The following PDE4B variants were observed in gnomAD, a reference collection of about 807,000 sequenced individuals.
PDE4B encodes the protein phosphodiesterase 4B, also known as 3',5'-cyclic-AMP phosphodiesterase 4B.
In PDE4B, 20 loss-of-function variants were observed where a neutral mutation model predicts 82.2. The observed-to-expected ratio is 0.24, with a 90% CI of 0.17 to 0.35. The LOEUF (loss-of-function observed/expected upper bound fraction) is 0.35. Among genes scored for constraint, PDE4B ranks in the 10% least tolerant of loss-of-function variants. PDE4B has a pLI of 1.00. For synonymous variants in PDE4B, 320 were observed against 318.9 expected, an observed-to-expected ratio of 1.00 and a Z score of -0.04; for missense variants, 655 against 907.2, an observed-to-expected ratio of 0.72 and a Z score of 3.57.
At chr1:65,925,342 T>G (rs1200119746) in intron 3 of PDE4B, among the ~76,000 whole-genome samples, 1 of 152,024 alleles carries the variant, frequency 6.6e-6, no homozygotes, top group Non-Finnish European at 1.5e-5. Context: ...TTAAAAAAAA[T>G]TCCTTACTAC....
intron 1 of PDE4B, among the ~76,000 whole-genome samples, chr1:65,866,475 T>C (rs1181181928): frequency 6.6e-6 from 1 of 152,206 alleles, no homozygotes; most frequent in Non-Finnish European, 1.5e-5. Flanking sequence ...TTTTACAATA[T>C]GGTAATGATG....
chr1:66,056,732 A>T (rs904406288), intron 3 of PDE4B, among the ~76,000 whole-genome samples: 1 of 152,124 alleles, frequency 6.6e-6, no homozygotes, highest in African/African-American at 2.4e-5. Context: ...GAGAGATACA[A>T]TATTGATGGC....
intron 3 of PDE4B, among the ~76,000 whole-genome samples, chr1:66,035,313 T>G (rs746216173): frequency 4.6e-5 from 7 of 152,188 alleles, no homozygotes; most frequent in South Asian, 4.1e-4. Context: ...AAATATTTGT[T>G]ATTTCTCTGT....
At chr1:66,048,150 G>A (rs1196898384) in intron 3 of PDE4B, among the ~76,000 whole-genome samples, 1 of 151,810 alleles carries the variant, frequency 6.6e-6, no homozygotes, top group Non-Finnish European at 1.5e-5. Flanking sequence ...TCCTGTACTA[G>A]CCTCTGAATG....
intron 7 of PDE4B, among the ~76,000 whole-genome samples, chr1:66,327,904 A>G (rs951062637): frequency 6.6e-6 from 1 of 152,218 alleles, no homozygotes; most frequent in Non-Finnish European, 1.5e-5. Context: ...TTCAGTGCTA[A>G]ACTGAATCCT....
At position 66,180,670 on chromosome 1, in the gene PDE4B, A is replaced by T. The variant is rs74403784; in HGVS notation, c.282-66790A>T. Reference sequence around the variant, plus strand: ...TTGGGCAGCTATTCACTTGTTTATGACACTGGCAAGATTTGGGCCGACCAC... The same window carrying T: ...TTGGGCAGCTATTCACTTGTTTATGTCACTGGCAAGATTTGGGCCGACCAC... On this transcript the variant is annotated intron_variant, in intron 3 of 16. Transcript: ENST00000341517. 4.6e-5 allele frequency among the ~76,000 whole-genome samples: 7 copies of T among 152,338 alleles called. No homozygotes were observed. The East Asian group carries it at 1.3e-3, about 29-fold the overall frequency.
chr1:65,922,330 CATTTTTATTGTT>C (rs1396174089), intron 3 of PDE4B, among the ~76,000 whole-genome samples: 3 of 152,198 alleles, frequency 2.0e-5, no homozygotes, highest in African/African-American at 4.8e-5. Context: ...TTATTATTGT[CATTTTTATTGTT>C]ACATTTAGAC....
intron 3 of PDE4B, among the ~76,000 whole-genome samples, chr1:66,171,940 G>T (rs1646845077): frequency 6.6e-6 from 1 of 152,264 alleles, no homozygotes; most frequent in East Asian, 1.9e-4. Flanking sequence ...GCAAATTCTA[G>T]CTTTCTTTTT....
At chr1:65,902,641 C>T (rs1243716391) in intron 1 of PDE4B, among the ~76,000 whole-genome samples, 2 of 152,104 alleles carry the variant, frequency 1.3e-5, no homozygotes, top group Non-Finnish European at 2.9e-5. Flanking sequence ...ATTCAACAGT[C>T]CTTGAGGACA....
At chr1:66,166,017 T>C (rs1454403904) in intron 3 of PDE4B, among the ~76,000 whole-genome samples, 2 of 151,964 alleles carry the variant, frequency 1.3e-5, no homozygotes, top group East Asian at 3.9e-4. Flanking sequence ...AATGGTAGTA[T>C]AGTACTGACA....
intron 3 of PDE4B, among the ~76,000 whole-genome samples, chr1:66,046,719 T>C (rs1452899923): frequency 6.6e-6 from 1 of 151,862 alleles, no homozygotes; most frequent in African/African-American, 2.4e-5. Flanking sequence ...ATAATGACTG[T>C]AATCATTAAC....
At chr1:66,136,906 G>T (rs1646070400) in intron 3 of PDE4B, among the ~76,000 whole-genome samples, 1 of 151,904 alleles carries the variant, frequency 6.6e-6, no homozygotes, top group African/African-American at 2.4e-5. Flanking sequence ...CTAAGAAGGA[G>T]GACATAGTCA....
chr1:65,928,342 C>T (rs10889589), intron 3 of PDE4B, among the ~76,000 whole-genome samples: 1 of 151,890 alleles, frequency 6.6e-6, no homozygotes, highest in African/African-American at 2.4e-5. Context: ...AAATTAAGTA[C>T]GAATGCAGTA....
intron 1 of PDE4B, among the ~76,000 whole-genome samples, chr1:65,885,332 A>G (rs1259156264): frequency 2.0e-5 from 3 of 152,166 alleles, no homozygotes; most frequent in African/African-American, 7.2e-5. Context: ...AACTAGAAAT[A>G]CCATTTGACC....
intron 3 of PDE4B, among the ~76,000 whole-genome samples, chr1:66,215,135 A>G (rs1395725897): frequency 6.6e-6 from 1 of 152,194 alleles, no homozygotes; most frequent in African/African-American, 2.4e-5. Flanking sequence ...AGCTCAGCAC[A>G]GGAAGTACAA....
chr1:65,904,840 G>A (rs936766424), intron 1 of PDE4B, among the ~76,000 whole-genome samples: 1 of 152,158 alleles, frequency 6.6e-6, no homozygotes, highest in African/African-American at 2.4e-5. Flanking sequence ...AAAAATAGTT[G>A]TGAGAATTAC....
intron 3 of PDE4B, among the ~76,000 whole-genome samples, chr1:66,078,461 C>T (rs527838416): frequency 6.6e-6 from 1 of 152,058 alleles, no homozygotes; most frequent in African/African-American, 2.4e-5. Context: ...CTGCCCACCT[C>T]GGTCTCCCAA....
chr1:65,948,295 G>T (rs1002387928), intron 3 of PDE4B, among the ~76,000 whole-genome samples: 3 of 151,490 alleles, frequency 2.0e-5, no homozygotes, highest in Non-Finnish European at 4.4e-5. Context: ...ATTAGTCAGG[G>T]TTCTCTAGAA....
intron 3 of PDE4B, among the ~76,000 whole-genome samples, chr1:66,044,149 T>A (rs1375229612): frequency 1.3e-5 from 2 of 151,738 alleles, no homozygotes; most frequent in African/African-American, 2.4e-5. Flanking sequence ...AGAGACGGAA[T>A]GTGTTTCTAA....
Sources: gnomAD v4.1 joint callset for allele counts (sites outside exome capture counted in the v4.1 genomes callset) on GRCh38, gnomAD v4.1.1 for gene constraint, MANE v1.5 for transcripts, NCBI Gene and HGNC (gene_info 2026-07-23, HGNC 2026-07-21) for gene names.